UCHL3: variants seen among roughly 807,000 people sequenced by gnomAD.
UCHL3 encodes ubiquitin C-terminal hydrolase L3.
A neutral mutation model predicts 35.8 loss-of-function variants in UCHL3; 22 were observed. That is an observed-to-expected ratio of 0.61 (90% CI 0.44 to 0.88). The LOEUF (loss-of-function observed/expected upper bound fraction) is 0.88, where lower values mean the gene tolerates loss of function less well. Ranked by LOEUF, UCHL3 falls within the 40% of genes least tolerant of loss-of-function variation. The probability of loss-of-function intolerance (pLI) is 0.00; values close to 1 mark genes in which losing one functional copy is unlikely to be tolerated. For missense variants in UCHL3, 229 were observed against 276.9 expected (o/e 0.83, Z 1.23); for synonymous variants, 90 against 92.8 (o/e 0.97, Z 0.17).
At chr13:75,557,922 GT>G (rs1293516439) in intron 2 of UCHL3, among the ~76,000 whole-genome samples, 204 of 142,726 alleles carry the variant, frequency 1.4e-3, no homozygotes, top group African/African-American at 2.4e-3. Flanking sequence ...CAAACACAGG[GT>G]TTTTTTTTTT....
At chr13:75,605,214 A>G (rs1371744502) in intron 8 of UCHL3, among the ~76,000 whole-genome samples, 3 of 152,220 alleles carry the variant, frequency 2.0e-5, no homozygotes, top group Non-Finnish European at 4.4e-5. Context: ...ATAGCATTTT[A>G]AGAACACTTA....
At chr13:75,595,526 G>A (rs529041088) in intron 7 of UCHL3, among the ~76,000 whole-genome samples, 2 of 147,900 alleles carry the variant, frequency 1.4e-5, no homozygotes, top group African/African-American at 5.0e-5. Context: ...GAACACAGGA[G>A]GTGGAGGTTT....
At chr13:75,590,025 G>C (rs1383282565) in intron 6 of UCHL3, 1 of 1,304,704 alleles carries the variant, frequency 7.7e-7, no homozygotes. Context: ...CCTGCCCTGG[G>C]TCAAACGTAA....
chr13:75,555,353 T>G (rs529801260), intron 2 of UCHL3, among the ~76,000 whole-genome samples: 14 of 152,340 alleles, frequency 9.2e-5, no homozygotes, highest in Non-Finnish European at 1.6e-4. Context: ...TTATCTTGTT[T>G]ATGTGTATAC....
intron 2 of UCHL3, among the ~76,000 whole-genome samples, chr13:75,550,768 T>C (rs1245023574): frequency 1.3e-5 from 2 of 150,284 alleles, no homozygotes; most frequent in African/African-American, 4.9e-5. Context: ...TTTTTACTGC[T>C]CTCCTAGTTT....
At chr13:75,552,967 C>T (rs1007799717) in intron 2 of UCHL3, among the ~76,000 whole-genome samples, 5 of 152,094 alleles carry the variant, frequency 3.3e-5, no homozygotes, top group South Asian at 4.1e-4. Flanking sequence ...TATTCCTACT[C>T]GTGATTTTAT....
At chr13:75,576,058 T>C (rs1278948931) in intron 6 of UCHL3, among the ~76,000 whole-genome samples, 1 of 152,110 alleles carries the variant, frequency 6.6e-6, no homozygotes, top group Admixed American at 6.5e-5. Flanking sequence ...GCCAAACACT[T>C]TCAATAAAAG....
At chr13:75,566,973 A>T in intron 4 of UCHL3, 122 bp downstream of exon 4, 1 of 1,132,804 alleles carries the variant, frequency 8.8e-7, no homozygotes, top group South Asian at 1.6e-5. Flanking sequence ...TGCTTCCTTG[A>T]TGATGGGAAT....
Position 75,605,839 on chromosome 13 carries a change from C to A in UCHL3, c.*27C>A. 6.2e-7 allele frequency: 1 copy of A among 1,607,596 alleles called. No homozygotes were observed. The highest frequency in any genetic ancestry group is 8.5e-7 in the Non-Finnish European group (1 of 1,176,562). On this transcript the variant is annotated 3_prime_UTR_variant, in exon 9 of 9. Transcript: ENST00000377595. ...TTGTCAATAATGGAAACACCAAAAA[C>A]TGTATTATTTGCAACTAAATTTTCT...
chr13:75,592,528 C>T (rs1448614102), intron 6 of UCHL3, among the ~76,000 whole-genome samples: 5 of 84,220 alleles, frequency 5.9e-5, no homozygotes, highest in African/African-American at 2.2e-4. Flanking sequence ...GTAGTTATTT[C>T]TTGGTCATTT....
intron 2 of UCHL3, among the ~76,000 whole-genome samples, chr13:75,559,639 C>T (rs2031425837): frequency 6.6e-6 from 1 of 152,122 alleles, no homozygotes; most frequent in Non-Finnish European, 1.5e-5. Flanking sequence ...TTTTGCAAGA[C>T]CTCATTTGAT....
At chr13:75,583,230 T>C (rs185692489) in intron 6 of UCHL3, among the ~76,000 whole-genome samples, 2 of 152,314 alleles carry the variant, frequency 1.3e-5, no homozygotes, top group Admixed American at 1.3e-4. Flanking sequence ...AAATAAACAA[T>C]TACAATATAT....
chr13:75,573,273 A>C (rs866294127), intron 6 of UCHL3, among the ~76,000 whole-genome samples: 3,887 of 152,078 alleles, frequency 0.026, 64 homozygotes, highest in African/African-American at 0.029. Context: ...TCAGAAAAAA[A>C]AAAAAAAAAA....
chr13:75,575,266 C>T (rs916978478), intron 6 of UCHL3, among the ~76,000 whole-genome samples: 3 of 152,122 alleles, frequency 2.0e-5, no homozygotes, highest in Non-Finnish European at 4.4e-5. Flanking sequence ...GGTAGATCAG[C>T]TAATACAGAA....
At chr13:75,592,386 G>C (rs10162224) in intron 6 of UCHL3, among the ~76,000 whole-genome samples, 18,189 of 95,074 alleles carry the variant, frequency 0.19, 1,552 homozygotes, top group Middle Eastern at 0.51. Flanking sequence ...ATGGTGTTTG[G>C]ATGTAAAGTG....
intron 6 of UCHL3, among the ~76,000 whole-genome samples, chr13:75,589,715 T>C (rs1199708441): frequency 6.6e-6 from 1 of 152,206 alleles, no homozygotes; most frequent in Admixed American, 6.5e-5. Context: ...ATATTATCAA[T>C]GTACACATAT....
chr13:75,604,967 T>A (rs1276984208), intron 8 of UCHL3, 140 bp downstream of exon 8: 13 of 585,576 alleles, frequency 2.2e-5, no homozygotes, highest in Non-Finnish European at 3.4e-5. Flanking sequence ...AAAAAGAAAA[T>A]TTATATTAGT....
At chr13:75,564,442 G>A (rs1224569931) in intron 3 of UCHL3, among the ~76,000 whole-genome samples, 5 of 152,060 alleles carry the variant, frequency 3.3e-5, no homozygotes, top group African/African-American at 7.2e-5. Flanking sequence ...GAGCCACTAC[G>A]CCTGGCCTAA....
At chr13:75,580,474 A>G (rs1000164377) in intron 6 of UCHL3, among the ~76,000 whole-genome samples, 8 of 152,202 alleles carry the variant, frequency 5.3e-5, no homozygotes, top group Admixed American at 1.3e-4. Flanking sequence ...TAATTTTCAA[A>G]GCATTTGGTA....
Sources: allele counts gnomAD v4.1 joint callset (sites outside exome capture counted in the v4.1 genomes callset), GRCh38; gene constraint gnomAD v4.1.1; transcripts MANE v1.5; gene names NCBI Gene and HGNC (gene_info 2026-07-23, HGNC 2026-07-21).